Variants in TDRD10 observed in about 807,000 individuals in gnomAD.
TDRD10 encodes the protein tudor domain-containing protein 10.
In TDRD10, 40 loss-of-function variants were observed where a neutral mutation model predicts 48.0. That is an observed-to-expected ratio of 0.83 (90% CI 0.65 to 1.09). TDRD10 has a LOEUF of 1.09. TDRD10 is among the 50% of genes least tolerant of loss of function. The pLI, the probability that TDRD10 is intolerant of heterozygous loss-of-function variation, is 0.00. For missense variants in TDRD10, 378 were observed against 434.7 expected (o/e 0.87, Z 1.16); for synonymous variants, 162 against 170.4 (o/e 0.95, Z 0.38).
chr1:154,539,647 C>T (rs1033600340), intron 6 of TDRD10, among the ~76,000 whole-genome samples: 1 of 152,194 alleles, frequency 6.6e-6, no homozygotes, highest in African/African-American at 2.4e-5. Context: ...TTTCATTCAG[C>T]ACATATTTAC....
chr1:154,523,885 C>T (rs539611639), intron 6 of TDRD10, among the ~76,000 whole-genome samples: 1 of 152,268 alleles, frequency 6.6e-6, no homozygotes, highest in South Asian at 2.1e-4. Flanking sequence ...TTTTGGAATT[C>T]TCTGATCTTT....
In TDRD10 at chr1:154,544,373, C is replaced by A; in HGVS notation, c.653C>A (p.Ala218Asp). The A allele has an allele frequency of 6.3e-7, 1 of 1,581,516 alleles. No individual in the cohort carries two copies. Among genetic ancestry groups the A allele is most frequent in the East Asian group, 2.3e-5 (1 of 43,818 alleles). Reference protein sequence around the residue: ...PFFWAMHVTEALHQNMQALFS... With the variant: ...PFFWAMHVTEDLHQNMQALFS... Reference sequence around the variant, plus strand: ...GCCGTTGCGTTTTGCACCCCACAGGCTCTGCACCAGAACATGCAGGCTCTG... The same window carrying A: ...GCCGTTGCGTTTTGCACCCCACAGGATCTGCACCAGAACATGCAGGCTCTG... Residue 218 changes from alanine (A) to aspartate (D), a missense_variant and splice_region_variant, in exon 10 of 13, where the codon GCT becomes GAT. Physicochemically the swap from Ala to Asp is moderately radical, Grantham distance 126. Transcript: ENST00000368482.
intron 4 of TDRD10, among the ~76,000 whole-genome samples, chr1:154,516,585 T>G (rs1438697621): frequency 1.3e-5 from 2 of 152,122 alleles, no homozygotes; most frequent in Non-Finnish European, 2.9e-5. Context: ...AGGAATGCCA[T>G]GAAGTACTGG....
intron 6 of TDRD10, among the ~76,000 whole-genome samples, chr1:154,525,043 T>C (rs953440171): frequency 6.6e-6 from 1 of 152,226 alleles, no homozygotes; most frequent in Non-Finnish European, 1.5e-5. Context: ...TTTGCTGTGG[T>C]TTGGGAAAAT....
chr1:154,531,223 A>G (rs1372715555), intron 6 of TDRD10, among the ~76,000 whole-genome samples: 1 of 152,140 alleles, frequency 6.6e-6, no homozygotes, highest in Non-Finnish European at 1.5e-5. Flanking sequence ...TCCTTGAAGC[A>G]TTTTGTCGTG....
intron 3 of TDRD10, among the ~76,000 whole-genome samples, chr1:154,507,538 C>T (rs1423714916): frequency 2.1e-5 from 3 of 144,732 alleles, no homozygotes; most frequent in African/African-American, 7.4e-5. Flanking sequence ...GGTGCACCCG[C>T]TGCTCCTAAC....
intron 6 of TDRD10, among the ~76,000 whole-genome samples, chr1:154,527,559 G>C (rs1388709485): frequency 1.3e-5 from 2 of 152,138 alleles, no homozygotes; most frequent in South Asian, 4.1e-4. Flanking sequence ...ATATCTTTAC[G>C]ATCTCAGTGA....
chr1:154,533,889 A>ATT (rs1557829992), intron 6 of TDRD10, among the ~76,000 whole-genome samples: 6 of 59,452 alleles, frequency 1.0e-4, no homozygotes, highest in African/African-American at 2.6e-4. Flanking sequence ...ATATATATAT[A>ATT]TATATTTTTT....
intron 11 of TDRD10, among the ~76,000 whole-genome samples, chr1:154,546,773 G>A (rs147968970): frequency 0.015 from 2,210 of 152,298 alleles, 21 homozygotes; most frequent in Non-Finnish European, 0.021. Flanking sequence ...TCAGACAAGC[G>A]TCAGTTTTCC....
intron 4 of TDRD10, among the ~76,000 whole-genome samples, chr1:154,517,384 C>A (rs977714977): frequency 6.7e-6 from 1 of 149,694 alleles, no homozygotes; most frequent in African/African-American, 2.5e-5. Flanking sequence ...CATTCCAATT[C>A]TTAGGTTGTA....
rs1694827099 is a variant in TDRD10, at chr1:154,534,662, TTCAG to T, written c.370-7358_370-7355del. 2.0e-5 allele frequency: 3 copies of T among 152,402 alleles called. No homozygotes were observed. In the South Asian group the frequency reaches 6.2e-4, roughly 32 times the overall value. 9.4% of individuals were successfully genotyped at this position (152,402 alleles called of 1,614,324 possible). On this transcript the variant is annotated intron_variant, in intron 6 of 12. Transcript: ENST00000368482. ...TAGATGTTTTCAATTTCTTGTATGCTTCAGTCAATTTCCAGAGTCCTGAAGTGAT... is the reference window on the plus strand; with the variant it reads ...TAGATGTTTTCAATTTCTTGTATGCTTCAATTTCCAGAGTCCTGAAGTGAT...
At chr1:154,535,198 C>G (rs1156317778) in intron 6 of TDRD10, among the ~76,000 whole-genome samples, 1 of 152,056 alleles carries the variant, frequency 6.6e-6, no homozygotes, top group African/African-American at 2.4e-5. Flanking sequence ...GAAACTCCAT[C>G]TCTATTAAAA....
At chr1:154,505,970 A>T (rs977139715) in intron 1 of TDRD10, among the ~76,000 whole-genome samples, 3 of 152,144 alleles carry the variant, frequency 2.0e-5, no homozygotes, top group Admixed American at 6.5e-5. Context: ...TCTGGGCTGG[A>T]CTTATAGATG....
At chr1:154,531,598 C>T (rs371921717) in intron 6 of TDRD10, among the ~76,000 whole-genome samples, 111 of 152,254 alleles carry the variant, frequency 7.3e-4, no homozygotes, top group Non-Finnish European at 1.2e-3. Context: ...TTCAGACCTT[C>T]GGGGTGAGTG....
chr1:154,504,523 C>G (rs1383903716), intron 1 of TDRD10, among the ~76,000 whole-genome samples: 1 of 152,194 alleles, frequency 6.6e-6, no homozygotes, highest in Non-Finnish European at 1.5e-5. Context: ...GTCCTCAATA[C>G]TTGTTAGAGA....
rs371217983 is a variant in TDRD10 at position 154,544,785 on chromosome 1, C to T, written c.798-10C>T. 5.6e-6 allele frequency: 9 copies of T among 1,613,140 alleles called. No individual in the cohort carries two copies. In the African/African-American group the frequency reaches 9.3e-5, roughly 17 times the overall value. ...TGATTGTCCTCTGTCTTTCTCTTTT[C>T]CTCTGCCAGGTGTTGGGTGCTGGAC... On this transcript the variant is annotated splice_polypyrimidine_tract_variant and intron_variant, in intron 10 of 12. Transcript: ENST00000368482.
At chr1:154,532,767 C>T (rs1232522801) in intron 6 of TDRD10, among the ~76,000 whole-genome samples, 1 of 152,188 alleles carries the variant, frequency 6.6e-6, no homozygotes, top group Non-Finnish European at 1.5e-5. Flanking sequence ...AACTGGCTTC[C>T]TCTGATGCTG....
At chr1:154,538,312 G>A (rs1160140519) in intron 6 of TDRD10, among the ~76,000 whole-genome samples, 1 of 152,108 alleles carries the variant, frequency 6.6e-6, no homozygotes, top group African/African-American at 2.4e-5. Flanking sequence ...ACTTTGGGAG[G>A]CCGAGGTGGG....
chr1:154,540,755 A>T (rs1258137376), intron 6 of TDRD10, among the ~76,000 whole-genome samples: 2 of 152,130 alleles, frequency 1.3e-5, no homozygotes, highest in African/African-American at 4.8e-5. Flanking sequence ...AAACCGTTGC[A>T]CTGGAGATGG....
Sources: gnomAD v4.1 joint callset for allele counts (sites outside exome capture counted in the v4.1 genomes callset) on GRCh38, gnomAD v4.1.1 for gene constraint, MANE v1.5 for transcripts, NCBI Gene and HGNC (gene_info 2026-07-23, HGNC 2026-07-21) for gene names.